Variants in BCAT1 observed in about 807,000 individuals in gnomAD.
BCAT1 encodes the protein branched-chain-amino-acid aminotransferase, cytosolic.
In BCAT1, 48 loss-of-function variants were observed where a neutral mutation model predicts 52.4. The observed-to-expected ratio is 0.92, with a 90% CI of 0.73 to 1.16. The LOEUF is 1.16. Ranked by LOEUF, BCAT1 falls within the 50% of genes most tolerant of loss-of-function variation. The pLI is 0.00. For synonymous variants in BCAT1, 167 were observed against 161.3 expected (o/e 1.04, Z -0.27); for missense variants, 451 against 457.1 (o/e 0.99, Z 0.12).
At chr12:24,860,745 T>C (rs1027065040) in intron 5 of BCAT1, among the ~76,000 whole-genome samples, 1 of 152,150 alleles carries the variant, frequency 6.6e-6, no homozygotes, top group African/African-American at 2.4e-5. Flanking sequence ...CTTTACAGGG[T>C]TCCTGACCTG....
At chr12:24,865,337 G>A (rs921847969) in intron 5 of BCAT1, among the ~76,000 whole-genome samples, 3 of 152,014 alleles carry the variant, frequency 2.0e-5, no homozygotes, top group African/African-American at 4.8e-5. Context: ...AGTTGCCATC[G>A]CCCAAAAGGA....
Position 24,902,128 on chromosome 12 carries a change from A to T in BCAT1, c.7-243T>A, listed in dbSNP as rs192509652. 96 of 1,449,456 alleles carry T rather than the reference A, an allele frequency of 6.6e-5. No individual in the cohort carries two copies. In the Admixed American group the frequency reaches 1.3e-3, roughly 19 times the overall value. 89.8% of individuals were successfully genotyped at this position (1,449,456 alleles called of 1,614,324 possible). A position where few individuals can be genotyped will look rare whatever the true frequency, so the allele number is the denominator to read the frequency against. ...GGTTTTTGTCCTCCTCCGCCGGCTC[A>T]GGGAAGACTGGTTAAATTCCAGGTC... On this transcript the variant is annotated intron_variant, in intron 1 of 10. Coordinates refer to ENST00000261192, the MANE Select transcript of BCAT1 (RefSeq NM_005504.7).
chr12:24,919,188 G>C (rs966702745), intron 1 of BCAT1, among the ~76,000 whole-genome samples: 1 of 152,166 alleles, frequency 6.6e-6, no homozygotes, highest in Non-Finnish European at 1.5e-5. Flanking sequence ...AGGCACAAAA[G>C]AACCAAATTA....
At chr12:24,913,083 G>A (rs1943355984) in intron 1 of BCAT1, among the ~76,000 whole-genome samples, 1 of 152,130 alleles carries the variant, frequency 6.6e-6, no homozygotes, top group South Asian at 2.1e-4. Context: ...TAAGAGCAAG[G>A]AGAGTATGCT....
Position 24,817,924 on chromosome 12 carries a change from T to C in BCAT1, c.*84A>G. On this transcript the variant is annotated 3_prime_UTR_variant, in exon 11 of 11. Transcript: ENST00000261192. ...CATTATGCACAGGTAGCCAAAGAAA[T>C]CTATCACAATTCAAATGCAACAGTC... 1 of 1,429,932 alleles carries C rather than the reference T, an allele frequency of 7.0e-7. No homozygotes were observed. Among genetic ancestry groups the C allele is most frequent in the African/African-American group, 1.4e-5 (1 of 71,338 alleles). The allele number at this position is 1,429,932 out of a possible 1,614,324, so 88.6% of individuals were successfully genotyped here. A position where few individuals can be genotyped will look rare whatever the true frequency, so the allele number is the denominator to read the frequency against.
chr12:24,923,798 T>C (rs1391202968), intron 1 of BCAT1, among the ~76,000 whole-genome samples: 1 of 152,202 alleles, frequency 6.6e-6, no homozygotes. Flanking sequence ...CACACCTGTC[T>C]GCAGAGGGAG....
chr12:24,894,551 A>T, intron 2 of BCAT1, 76 bp from the exon 3 acceptor site: 4 of 1,212,278 alleles, frequency 3.3e-6, no homozygotes, highest in Non-Finnish European at 3.4e-6. Context: ...GAGGGGAAAA[A>T]AAAAAAGGAA....
intron 9 of BCAT1, 41 bp from the exon 10 acceptor site, chr12:24,829,938 T>C: frequency 6.9e-7 from 1 of 1,457,658 alleles, no homozygotes; most frequent in Non-Finnish European, 9.5e-7. Flanking sequence ...AGGGTACTCA[T>C]GTATATGGTG....
chr12:24,887,080 A>AAAAAAAAATATAT lies in BCAT1; in HGVS notation c.280-5670_280-5669insATATATTTTTTTT, dbSNP rs1245203518. 6.9e-4 allele frequency among the ~76,000 whole-genome samples: 28 copies of AAAAAAAAATATAT among 40,736 alleles called. 1 individual carries two copies. Among genetic ancestry groups the AAAAAAAAATATAT allele is most frequent in the Admixed American group, 8.8e-4 (3 of 3,404 alleles). 26.7% of individuals were successfully genotyped at this position (40,736 alleles called of 152,430 possible). A position where few individuals can be genotyped will look rare whatever the true frequency, so the allele number is the denominator to read the frequency against. ...GCTAGCTAAAAAAAAAAAAAAAAAA[A>AAAAAAAAATATAT]ATATATATATATATATATATATATA... On this transcript the variant is annotated intron_variant, in intron 3 of 10. Coordinates refer to ENST00000261192, the MANE Select transcript of BCAT1 (RefSeq NM_005504.7).
intron 6 of BCAT1, among the ~76,000 whole-genome samples, chr12:24,844,431 CA>C (rs199971467): frequency 6.6e-6 from 1 of 150,654 alleles, no homozygotes; most frequent in Non-Finnish European, 1.5e-5. Flanking sequence ...AATTCCGTCT[CA>C]AAAAAATAAA....
At chr12:24,884,309 T>C (rs1942592994) in intron 3 of BCAT1, among the ~76,000 whole-genome samples, 1 of 151,912 alleles carries the variant, frequency 6.6e-6, no homozygotes, top group Admixed American at 6.6e-5. Flanking sequence ...CTAATGGAAG[T>C]AGAGAGTAGA....
chr12:24,869,670 A>T (rs1942125093), intron 5 of BCAT1, among the ~76,000 whole-genome samples: 1 of 152,176 alleles, frequency 6.6e-6, no homozygotes. Context: ...TCTGCAGTAA[A>T]AGAGAATACC....
At chr12:24,888,415 G>T (rs573872727) in intron 3 of BCAT1, among the ~76,000 whole-genome samples, 22 of 152,270 alleles carry the variant, frequency 1.4e-4, no homozygotes, top group Admixed American at 2.0e-4. Flanking sequence ...AGGAGAATCT[G>T]TTGAAGCCAG....
At chr12:24,880,843 T>TG (rs1315647823) in intron 4 of BCAT1, among the ~76,000 whole-genome samples, 2 of 9,562 alleles carry the variant, frequency 2.1e-4, no homozygotes, top group Non-Finnish European at 3.7e-4. Flanking sequence ...TTTTGTTTTT[T>TG]GTTTTTTTTT....
chr12:24,872,027 T>A (rs1942196278), intron 5 of BCAT1, among the ~76,000 whole-genome samples: 1 of 152,200 alleles, frequency 6.6e-6, no homozygotes. Context: ...AGTACCCAAA[T>A]TAATGATTTA....
At chr12:24,894,636 CA>C (rs556799635) in intron 2 of BCAT1, among the ~76,000 whole-genome samples, 161 bp from the exon 3 acceptor site, 25 of 152,214 alleles carry the variant, frequency 1.6e-4, no homozygotes, top group African/African-American at 6.0e-4. Flanking sequence ...TGCCTGCATT[CA>C]GAATTCGGCC....
chr12:24,844,136 A>T (rs1044813097), intron 6 of BCAT1, among the ~76,000 whole-genome samples: 1 of 152,184 alleles, frequency 6.6e-6, no homozygotes, highest in East Asian at 1.9e-4. Context: ...TCTGCTTAAG[A>T]TCATTTCCAG....
chr12:24,894,189 C>G, intron 3 of BCAT1, 86 bp downstream of exon 3: 1 of 1,346,698 alleles, frequency 7.4e-7, no homozygotes, highest in South Asian at 1.3e-5. Flanking sequence ...GCCCATACTG[C>G]CCAAGAGCTA....
intron 1 of BCAT1, among the ~76,000 whole-genome samples, chr12:24,914,240 C>T (rs1320351889): frequency 6.6e-6 from 1 of 152,168 alleles, no homozygotes; most frequent in South Asian, 2.1e-4. Context: ...TGCTACTATG[C>T]CCGGCTAATT....
Sources: gnomAD v4.1 joint callset for allele counts (sites outside exome capture counted in the v4.1 genomes callset) on GRCh38, gnomAD v4.1.1 for gene constraint, MANE v1.5 for transcripts, NCBI Gene and HGNC (gene_info 2026-07-23, HGNC 2026-07-21) for gene names.